The following MYLK variants were observed in gnomAD, a reference collection of about 807,000 sequenced individuals.
The protein encoded by MYLK is myosin light chain kinase, smooth muscle.
In MYLK, 106 loss-of-function variants were observed where a neutral mutation model predicts 203.4. The ratio of observed to expected loss-of-function variants is 0.52; its 90% CI spans 0.45 to 0.61. The LOEUF (loss-of-function observed/expected upper bound fraction) is 0.61. Ranked by LOEUF, MYLK falls within the 20% of genes least tolerant of loss-of-function variation. The pLI, the probability that MYLK is intolerant of heterozygous loss-of-function variation, is 0.00. For missense variants in MYLK, 2,072 were observed against 2,442.3 expected, an observed-to-expected ratio of 0.85 and a Z score of 3.20; for synonymous variants, 867 against 959.5, an observed-to-expected ratio of 0.90 and a Z score of 1.78.
At chr3:123,649,104 C>A (rs1471921282) in intron 25 of MYLK, 40 bp from the exon 26 acceptor site, 1 of 1,613,872 alleles carries the variant, frequency 6.2e-7, no homozygotes, top group Non-Finnish European at 8.5e-7. Flanking sequence ...GTCTCAGATG[C>A]CCCCACTCAG....
intron 2 of MYLK, among the ~76,000 whole-genome samples, chr3:123,838,857 G>C (rs2066528946): frequency 6.6e-6 from 1 of 152,174 alleles, no homozygotes; most frequent in African/African-American, 2.4e-5. Context: ...CACTTTGGGA[G>C]GCTGAGGCAG....
At chr3:123,670,239 A>G (rs1205476138) in intron 20 of MYLK, among the ~76,000 whole-genome samples, 4 of 152,140 alleles carry the variant, frequency 2.6e-5, no homozygotes, top group South Asian at 4.1e-4. Context: ...ATGGAAAAGG[A>G]ACACTGTTGG....
chr3:123,620,163 A>C (rs1416923240), intron 32 of MYLK, 44 bp downstream of exon 32: 4 of 1,553,978 alleles, frequency 2.6e-6, no homozygotes, highest in Admixed American at 3.3e-5. Context: ...TTTGTTCCCC[A>C]GCCCTTTCTT....
At chr3:123,775,710 G>C (rs145091664) in intron 4 of MYLK, among the ~76,000 whole-genome samples, 1 of 152,298 alleles carries the variant, frequency 6.6e-6, no homozygotes, top group East Asian at 1.9e-4. Flanking sequence ...AAGAGAAAAA[G>C]GGGAATGACA....
intron 33 of MYLK, chr3:123,618,223 C>T (rs2057626486): frequency 8.1e-6 from 2 of 246,610 alleles, no homozygotes. Flanking sequence ...GGACGAGTAG[C>T]AGAGCCTGCC....
chr3:123,623,458 C>A (rs2057979866), intron 31 of MYLK: 1 of 152,204 alleles, frequency 6.6e-6, no homozygotes, highest in African/African-American at 2.4e-5. Flanking sequence ...AATATACCTT[C>A]TTTCGGAATA....
At chr3:123,803,258 T>C (rs1312268659) in intron 3 of MYLK, among the ~76,000 whole-genome samples, 3 of 152,248 alleles carry the variant, frequency 2.0e-5, no homozygotes, top group East Asian at 1.9e-4. Context: ...GCCTAGTCTC[T>C]CACACAGAAT....
rs76655666 is a variant in MYLK, at chr3:123,638,150, C to T, written c.4882G>A (p.Val1628Met). Residue 1628 changes from valine (V) to methionine (M), a missense_variant, in exon 29 of 34, where the codon GTG (valine) becomes ATG (methionine). This residue lies in a region of MYLK where 524 missense variants were observed against 782.4 expected (regional missense o/e 0.67). Transcript: ENST00000360304. ...LKVLFGTPEF[V>M]APEVINYEPI... The stretch of plus-strand genomic sequence containing the variant: ...TCATAGTTGATCACTTCAGGAGCCA[C>T]AAATTCTGGGGTGCCAAAGAGGACC... 1.2e-4 allele frequency: 197 copies of T among 1,614,086 alleles called. 1 individual carries two copies. The East Asian group carries it at 4.3e-3, about 35-fold the overall frequency.
rs902162365 is a variant in MYLK at position 123,662,422 on chromosome 3, T to C, written c.3985+1683A>G. Among the ~76,000 whole-genome samples, 3 of 151,144 alleles carry C rather than the reference T, an allele frequency of 2.0e-5. No individual in the cohort carries two copies. In the Admixed American group the frequency reaches 2.0e-4, roughly 10 times the overall value. ...GGAGAAAAACTGCTTGAGAACTAAG[T>C]CAGGGAATCACAGAATGTCAGAGAA... On this transcript the variant is annotated intron_variant, in intron 23 of 33. Transcript: ENST00000360304.
chr3:123,704,302 C>A (rs1008694018), intron 16 of MYLK, among the ~76,000 whole-genome samples: 18 of 152,198 alleles, frequency 1.2e-4, no homozygotes, highest in South Asian at 4.1e-4. Context: ...TTCATAGTGG[C>A]CTCCTGCCTG....
chr3:123,732,182 A>G (rs1022971425), intron 11 of MYLK, among the ~76,000 whole-genome samples: 1 of 152,180 alleles, frequency 6.6e-6, no homozygotes, highest in Non-Finnish European at 1.5e-5. Context: ...TTTTATAGAG[A>G]TAGACAGGTA....
intron 11 of MYLK, 21 bp downstream of exon 11, chr3:123,732,875 G>A: frequency 6.2e-7 from 1 of 1,609,520 alleles, no homozygotes; most frequent in South Asian, 1.1e-5. Flanking sequence ...AATGCGGGGT[G>A]ACCTGGAGAA....
chr3:123,666,815 CA>C, intron 21 of MYLK: 1 of 562,970 alleles, frequency 1.8e-6, no homozygotes, highest in East Asian at 3.0e-5. Flanking sequence ...GTCATGTACA[CA>C]AGGGTAGGGC....
intron 3 of MYLK, among the ~76,000 whole-genome samples, chr3:123,810,251 A>G (rs2065511020): frequency 6.6e-6 from 1 of 152,126 alleles, no homozygotes; most frequent in Admixed American, 6.5e-5. Flanking sequence ...AGACCTCAGG[A>G]CAGAATGGCC....
Position 123,737,689 on chromosome 3 carries a change from G to A in MYLK, c.589-146C>T. ...TGTGGGCCCTGTCAATGTGCTCAGA[G>A]AGCCAACTTTAAACAGTTCAGGGGC... On this transcript the variant is annotated intron_variant, in intron 7 of 33. Transcript: ENST00000360304. 3 of 1,075,802 alleles carry A rather than the reference G, an allele frequency of 2.8e-6. No homozygotes were observed. The Admixed American group carries it at 5.5e-5, about 20-fold the overall frequency. 66.6% of individuals were successfully genotyped at this position (1,075,802 alleles called of 1,614,324 possible).
intron 4 of MYLK, among the ~76,000 whole-genome samples, chr3:123,780,650 T>A (rs2064260379): frequency 6.6e-6 from 1 of 152,064 alleles, no homozygotes; most frequent in African/African-American, 2.4e-5. Flanking sequence ...GAGAGGCAGC[T>A]CCTTAAGATA....
chr3:123,690,741 C>T (rs980059899), intron 19 of MYLK, among the ~76,000 whole-genome samples: 2 of 152,172 alleles, frequency 1.3e-5, no homozygotes, highest in Admixed American at 1.3e-4. Context: ...ACCCAATGGA[C>T]TGAGAGTCAG....
At chr3:123,812,093 T>C (rs1287582466) in intron 3 of MYLK, among the ~76,000 whole-genome samples, 3 of 152,182 alleles carry the variant, frequency 2.0e-5, no homozygotes, top group African/African-American at 7.2e-5. Context: ...CCCCTGGGAC[T>C]TCTCAGAGTC....
intron 3 of MYLK, among the ~76,000 whole-genome samples, chr3:123,821,789 A>G (rs958644740): frequency 1.3e-5 from 2 of 152,142 alleles, no homozygotes; most frequent in African/African-American, 4.8e-5. Context: ...CAATCTCCCA[A>G]TTGCCAGAAA....
Sources: allele counts gnomAD v4.1 joint callset (sites outside exome capture counted in the v4.1 genomes callset), GRCh38; gene constraint gnomAD v4.1.1; regional missense constraint gnomAD v4.1.1; transcripts MANE v1.5; gene names NCBI Gene and HGNC (gene_info 2026-07-23, HGNC 2026-07-21).